The following BTBD7 variants were observed in gnomAD, a reference collection of about 807,000 sequenced individuals.
BTBD7 encodes the protein BTB domain containing 7, also known as BTB/POZ domain-containing protein 7.
A neutral mutation model predicts 99.9 loss-of-function variants in BTBD7; 38 were observed. The observed-to-expected ratio is 0.38, with a 90% CI of 0.29 to 0.50. BTBD7 has a LOEUF of 0.50. Among genes scored for constraint, BTBD7 ranks in the 20% least tolerant of loss-of-function variants. BTBD7 has a pLI of 0.93. For missense variants in BTBD7, 1,170 were observed against 1,394.6 expected (o/e 0.84, Z 2.57); for synonymous variants, 520 against 511.4 (o/e 1.02, Z -0.23).
In BTBD7 at chr14:93,253,724, T is replaced by C; in HGVS notation, c.1675A>G (p.Asn559Asp). ...MLPTTEGGKS[N>D]AWLRQKNAGI... ...GCATTTTTTTGCCGTAACCAGGCAT[T>C]TGACTTCCCACCTTCTGTTGTAGGA... The change falls in exon 7 of 11, where the codon AAT (asparagine) becomes GAT (aspartate). Residue 559 changes from asparagine (N) to aspartate (D), a missense_variant. Around this residue, in one of 4 missense-constraint regions of BTBD7, gnomAD observed 309 missense variants for 342.0 expected, o/e 0.90. Coordinates refer to ENST00000334746, the MANE Select transcript of BTBD7 (RefSeq NM_001002860.4). 2 of 1,613,454 alleles carry C rather than the reference T, an allele frequency of 1.2e-6. No homozygotes were observed. The highest frequency in any genetic ancestry group is 1.7e-6 in the Non-Finnish European group (2 of 1,179,546).
At chr14:93,264,222 A>G (rs540983065) in intron 3 of BTBD7, among the ~76,000 whole-genome samples, 2 of 152,334 alleles carry the variant, frequency 1.3e-5, no homozygotes, top group Non-Finnish European at 2.9e-5. Context: ...AAGGCAGAGA[A>G]TCCTCCCAAG....
At position 93,295,834 on chromosome 14, in the gene BTBD7, T is replaced by TG; in HGVS notation, c.82+135dup. On this transcript the variant is annotated intron_variant, in intron 2 of 10. Transcript: ENST00000334746. Reference sequence around the variant, plus strand: ...AACCAGACTTAAGATTTACGTTTGTTGGGGGAAAAAACCTAGATGCTGCAG... The same window carrying TG: ...AACCAGACTTAAGATTTACGTTTGTTGGGGGGAAAAAACCTAGATGCTGCAG... 3.9e-6 allele frequency: 3 copies of TG among 762,708 alleles called. No homozygotes were observed. The South Asian group carries it at 6.1e-5, about 15-fold the overall frequency. The allele number at this position is 762,708 out of a possible 1,614,324, so 47.2% of individuals were successfully genotyped here. A position where few individuals can be genotyped will look rare whatever the true frequency, so the allele number is the denominator to read the frequency against.
At chr14:93,319,491 T>C (rs2053245667) in intron 1 of BTBD7, among the ~76,000 whole-genome samples, 1 of 152,200 alleles carries the variant, frequency 6.6e-6, no homozygotes, top group Non-Finnish European at 1.5e-5. Flanking sequence ...GAAGACATTA[T>C]GCTAAGTAAA....
intron 3 of BTBD7, among the ~76,000 whole-genome samples, chr14:93,290,987 G>GTTTTTTTT: frequency 2.6e-5 from 2 of 76,776 alleles, no homozygotes; most frequent in Non-Finnish European, 4.8e-5. Context: ...GCTAGGCCTA[G>GTTTTTTTT]TTTTTTTTTT....
intron 9 of BTBD7, among the ~76,000 whole-genome samples, 199 bp downstream of exon 9, chr14:93,248,277 A>G (rs2052335342): frequency 6.6e-6 from 1 of 152,160 alleles, no homozygotes; most frequent in Admixed American, 6.5e-5. Context: ...CCCAGTTCTC[A>G]TCCTAGGCCT....
intron 6 of BTBD7, 122 bp downstream of exon 6, chr14:93,257,073 T>A: frequency 3.1e-6 from 3 of 953,242 alleles, no homozygotes; most frequent in Non-Finnish European, 3.1e-6. Context: ...CATCTGTCTC[T>A]GTCCTCACAG....
At chr14:93,323,242 G>GA (rs1029706262) in intron 1 of BTBD7, among the ~76,000 whole-genome samples, 51 of 150,914 alleles carry the variant, frequency 3.4e-4, no homozygotes, top group Admixed American at 8.6e-4. Flanking sequence ...AACGCGAATA[G>GA]AAAAAAAAAA....
At position 93,248,495 on chromosome 14, in the gene BTBD7, G is replaced by T. The variant is rs1169741140; in HGVS notation, c.2102C>A (p.Ala701Asp). Residue 701 changes from alanine to aspartate, a missense_variant, in exon 9 of 11, where the codon GCT becomes GAT. This residue lies in a region of BTBD7 where 7 missense variants were observed against 28.9 expected (regional missense o/e 0.24). Transcript: ENST00000334746. ...RVLREFGLAD[A>D]AAELLQNPHK... ...TCCTACCTGCAACAGCTCTGCAGCAGCATCTGCAAGACCAAACTCTCTTAG... is the reference window on the plus strand; with the variant it reads ...TCCTACCTGCAACAGCTCTGCAGCATCATCTGCAAGACCAAACTCTCTTAG... 1 of 1,613,854 alleles carries T rather than the reference G, an allele frequency of 6.2e-7. No individual in the cohort carries two copies. Among genetic ancestry groups the T allele is most frequent in the Non-Finnish European group, 8.5e-7 (1 of 1,180,008 alleles).
Position 93,237,904 on chromosome 14 carries a change from G to GT in BTBD7, c.*4368dup, listed in dbSNP as rs1001633451. ...ATTGAAGGCACTTGACTTTATACCAGTAACAGCACAACCACAAGAAACGCA... is the reference window on the plus strand; with the variant it reads ...ATTGAAGGCACTTGACTTTATACCAGTTAACAGCACAACCACAAGAAACGCA... On this transcript the variant is annotated 3_prime_UTR_variant, in exon 11 of 11. Transcript: ENST00000334746. The GT allele has an allele frequency of 2.0e-5, 3 of 152,624 alleles. No individual in the cohort carries two copies. The highest frequency in any genetic ancestry group is 7.2e-5 in the African/African-American group (3 of 41,452). 9.5% of individuals were successfully genotyped at this position (152,624 alleles called of 1,614,324 possible). A position where few individuals can be genotyped will look rare whatever the true frequency, so the allele number is the denominator to read the frequency against.
At position 93,239,313 on chromosome 14, in the gene BTBD7, G is replaced by A. The variant is rs562201216; in HGVS notation, c.*2960C>T. 3.3e-5 allele frequency: 5 copies of A among 152,680 alleles called. No homozygotes were observed. In the South Asian group the frequency reaches 8.3e-4, roughly 25 times the overall value. 9.5% of individuals were successfully genotyped at this position (152,680 alleles called of 1,614,324 possible). A position where few individuals can be genotyped will look rare whatever the true frequency, so the allele number is the denominator to read the frequency against. Reference sequence around the variant, plus strand: ...TCAACGCACAGCGGGCACTGGAAGCGGTGATTGTCCAAAGGCCTGATTGTC... The same window carrying A: ...TCAACGCACAGCGGGCACTGGAAGCAGTGATTGTCCAAAGGCCTGATTGTC... On this transcript the variant is annotated 3_prime_UTR_variant, in exon 11 of 11. Transcript: ENST00000334746.
chr14:93,324,421 C>CAAAAAAAAATAA (rs1555393944), intron 1 of BTBD7, among the ~76,000 whole-genome samples: 2 of 89,928 alleles, frequency 2.2e-5, no homozygotes, highest in Non-Finnish European at 4.2e-5. Flanking sequence ...GACCCTGTCT[C>CAAAAAAAAATAA]AAAAAAAAAA....
intron 3 of BTBD7, among the ~76,000 whole-genome samples, chr14:93,267,124 G>A (rs2052551678): frequency 6.6e-6 from 1 of 152,150 alleles, no homozygotes; most frequent in African/African-American, 2.4e-5. Flanking sequence ...TGAGAGAAAA[G>A]CTGGTTATTT....
Position 93,251,546 on chromosome 14 carries a change from G to A in BTBD7, c.1859C>T (p.Pro620Leu), listed in dbSNP as rs2052367716. The A allele has an allele frequency of 1.2e-6, 2 of 1,613,906 alleles. No individual in the cohort carries two copies. Among genetic ancestry groups the A allele is most frequent in the African/African-American group, 2.7e-5 (2 of 74,924 alleles). ...DTLYMVNNAV[P>L]QCCHMISHQQ... ...GTGGCTGATCATGTGACAACACTGT[G>A]GCACGGCATTATTGACCATGTAGAG... The change falls in exon 8 of 11, where the codon CCA becomes CTA. Residue 620 changes from proline (P) to leucine (L), a missense_variant. By Grantham distance (98) the Pro-to-Leu change is moderately conservative. Around this residue, in one of 4 missense-constraint regions of BTBD7, gnomAD observed 309 missense variants for 342.0 expected, o/e 0.90. Coordinates refer to ENST00000334746, the MANE Select transcript of BTBD7 (RefSeq NM_001002860.4).
Position 93,238,380 on chromosome 14 carries a change from C to T in BTBD7, c.*3893G>A, listed in dbSNP as rs978497950. 4 of 152,414 alleles carry T rather than the reference C, an allele frequency of 2.6e-5. No homozygotes were observed. The highest frequency in any genetic ancestry group is 4.4e-5 in the Non-Finnish European group (3 of 68,024). 9.4% of individuals were successfully genotyped at this position (152,414 alleles called of 1,614,324 possible). On this transcript the variant is annotated 3_prime_UTR_variant, in exon 11 of 11. Coordinates refer to ENST00000334746, the MANE Select transcript of BTBD7 (RefSeq NM_001002860.4). ...ACAGCGTTAATGGAAAACAGTAAAA[C>T]ACCTTTTAGCAGTGTGCATGTTAAG... is the stretch of plus-strand genomic sequence containing the variant.
intron 1 of BTBD7, among the ~76,000 whole-genome samples, chr14:93,302,057 G>A (rs911004440): frequency 2.0e-5 from 3 of 152,164 alleles, no homozygotes; most frequent in Admixed American, 2.0e-4. Context: ...GGTTGTGATG[G>A]TTATCTTGAG....
chr14:93,250,415 G>A (rs1400847212), intron 8 of BTBD7, among the ~76,000 whole-genome samples: 1 of 152,186 alleles, frequency 6.6e-6, no homozygotes, highest in African/African-American at 2.4e-5. Flanking sequence ...TTTTCATGCT[G>A]TTAACTAATG....
At chr14:93,277,624 G>T (rs1408117359) in intron 3 of BTBD7, among the ~76,000 whole-genome samples, 1 of 152,108 alleles carries the variant, frequency 6.6e-6, no homozygotes, top group Non-Finnish European at 1.5e-5. Context: ...TACCCTAGGG[G>T]GTTACTTTCA....
chr14:93,257,283 T>A lies in BTBD7; in HGVS notation c.1520A>T (p.Glu507Val). The A allele has an allele frequency of 6.2e-7, 1 of 1,614,164 alleles. No homozygotes were observed. The highest frequency in any genetic ancestry group is 8.5e-7 in the Non-Finnish European group (1 of 1,180,004). The change falls in exon 6 of 11, where the codon GAA (glutamate) becomes GTA (valine). Residue 507 changes from glutamate to valine, a missense_variant. Glu to Val is a moderately radical substitution (Grantham distance 121). Transcript: ENST00000334746. ...RGVKRRDLDM[E>V]ELREILSSLL... Reference sequence around the variant, plus strand: ...AGAAGAAAGGATCTCTCTGAGCTCTTCCATGTCCAGGTCCCGTCTTTTTAC... The same window carrying A: ...AGAAGAAAGGATCTCTCTGAGCTCTACCATGTCCAGGTCCCGTCTTTTTAC...
intron 3 of BTBD7, among the ~76,000 whole-genome samples, chr14:93,292,173 T>TC (rs2052864396): frequency 6.6e-6 from 1 of 152,162 alleles, no homozygotes; most frequent in Non-Finnish European, 1.5e-5. Context: ...GGTGACAAGA[T>TC]CAAGACTCCG....
Sources: gnomAD v4.1 joint callset for allele counts (sites outside exome capture counted in the v4.1 genomes callset) on GRCh38, gnomAD v4.1.1 for gene constraint, gnomAD v4.1.1 regional missense constraint, MANE v1.5 for transcripts, NCBI Gene and HGNC (gene_info 2026-07-23, HGNC 2026-07-21) for gene names.